Variants in CATSPERE observed in about 807,000 individuals in gnomAD.
CATSPERE encodes the protein cation channel sperm-associated auxiliary subunit epsilon.
A neutral mutation model predicts 114.1 loss-of-function variants in CATSPERE; 93 were observed. The observed-to-expected ratio is 0.81, with a 90% CI of 0.69 to 0.97. CATSPERE has a LOEUF of 0.97. Ranked by LOEUF, CATSPERE falls within the 50% of genes least tolerant of loss-of-function variation. The pLI, the probability that CATSPERE is intolerant of heterozygous loss-of-function variation, is 0.00. For missense variants in CATSPERE, 1,058 were observed against 1,131.6 expected, an observed-to-expected ratio of 0.93 and a Z score of 0.93; for synonymous variants, 341 against 384.1, an observed-to-expected ratio of 0.89 and a Z score of 1.31.
At chr1:244,584,839 G>C (rs780746330) in intron 13 of CATSPERE, among the ~76,000 whole-genome samples, 1 of 152,120 alleles carries the variant, frequency 6.6e-6, no homozygotes, top group African/African-American at 2.4e-5. Context: ...CTTGAGCACT[G>C]CAGACACACG....
In CATSPERE at chr1:244,597,613, C is replaced by T. The variant is rs182397709; in HGVS notation, c.2303+4035C>T. ...TACGATCACCTATAATTTATAATTT[C>T]GTATATAGCTCCTCTACTTTAATCC... is the stretch of plus-strand genomic sequence containing the variant. On this transcript the variant is annotated intron_variant, in intron 17 of 21. Coordinates refer to ENST00000366534, the MANE Select transcript of CATSPERE (RefSeq NM_001130957.2). Among the ~76,000 whole-genome samples, 10 of 132,398 alleles carry T rather than the reference C, an allele frequency of 7.6e-5. No homozygotes were observed. The East Asian group carries it at 2.2e-3, about 29-fold the overall frequency. The allele number at this position is 132,398 out of a possible 152,430, so 86.9% of individuals were successfully genotyped here.
chr1:244,554,005 G>A (rs1283228957), intron 9 of CATSPERE, among the ~76,000 whole-genome samples: 1 of 152,132 alleles, frequency 6.6e-6, no homozygotes, highest in African/African-American at 2.4e-5. Context: ...ACATGATTTT[G>A]TTATTTTTAT....
chr1:244,599,073 C>G (rs990489728), intron 17 of CATSPERE, among the ~76,000 whole-genome samples: 10 of 152,086 alleles, frequency 6.6e-5, no homozygotes, highest in African/African-American at 2.4e-4. Context: ...GGGAAAAAGA[C>G]TGGAGGATTG....
chr1:244,516,178 A>G (rs967853142), intron 7 of CATSPERE, among the ~76,000 whole-genome samples: 1 of 150,340 alleles, frequency 6.7e-6, no homozygotes, highest in African/African-American at 2.5e-5. Context: ...GTGACACAGT[A>G]AGACCTTGTC....
At chr1:244,523,465 T>TA (rs1207694216) in intron 8 of CATSPERE, among the ~76,000 whole-genome samples, 4 of 136,422 alleles carry the variant, frequency 2.9e-5, no homozygotes, top group Non-Finnish European at 4.6e-5. Context: ...CTATTCAACA[T>TA]AGTGTTGGAA....
In CATSPERE at chr1:244,632,060, C is replaced by T. The variant is rs958556780; in HGVS notation, c.2649-3429C>T. 4.6e-5 allele frequency among the ~76,000 whole-genome samples: 7 copies of T among 151,742 alleles called. No individual in the cohort carries two copies. The East Asian group carries it at 1.4e-3, about 29-fold the overall frequency. On this transcript the variant is annotated intron_variant, in intron 20 of 21. Transcript: ENST00000366534. ...TCTAGCCTGGGTGATAGAGTGAGAA[C>T]CTGTCTCAAAAGATTAAAAAACAAA...
upstream of CATSPERE, among the ~76,000 whole-genome samples, chr1:244,456,771 G>A (rs1666198849): frequency 6.6e-6 from 1 of 152,272 alleles, no homozygotes; most frequent in African/African-American, 2.4e-5. Flanking sequence ...AAACAGTCAG[G>A]CCTTATCTTC....
Position 244,553,908 on chromosome 1 carries a change from G to A in CATSPERE, c.1029+1094G>A, listed in dbSNP as rs545918464. Among the ~76,000 whole-genome samples, 15 of 152,116 alleles carry A rather than the reference G, an allele frequency of 9.9e-5. No homozygotes were observed. In the South Asian group the frequency reaches 3.1e-3, roughly 32 times the overall value. On this transcript the variant is annotated intron_variant, in intron 9 of 21. Transcript: ENST00000366534. Reference sequence around the variant, plus strand: ...ATCATGGTTTTTACCTTCCACATATGAGTGAGAACATGTAGTATTTGTCTT... The same window carrying A: ...ATCATGGTTTTTACCTTCCACATATAAGTGAGAACATGTAGTATTTGTCTT...
At position 244,479,776 on chromosome 1, in the gene CATSPERE, T is replaced by C. The variant is rs1669968075; in HGVS notation, c.318T>C (p.Tyr106=). 3.8e-6 allele frequency: 6 copies of C among 1,576,736 alleles called. No homozygotes were observed. The highest frequency in any genetic ancestry group is 5.2e-6 in the Non-Finnish European group (6 of 1,151,894). ...CTCATACTTGCTTTCTGTGGTACTA[T>C]AGAGTTAGGTAAGTAATGCAGTACT... is the stretch of plus-strand genomic sequence containing the variant. ...ESSHTCFLWY[Y]RVRHFFNNFT... is the part of the protein sequence containing the mutation. The change falls in exon 5 of 22, where the codon TAT becomes TAC. Residue 106 remains tyrosine (Y), a synonymous_variant. Coordinates refer to ENST00000366534, the MANE Select transcript of CATSPERE (RefSeq NM_001130957.2).
In CATSPERE at chr1:244,593,530, G is replaced by A; in HGVS notation, c.2255G>A (p.Cys752Tyr). The A allele has an allele frequency of 6.2e-7, 1 of 1,614,000 alleles. No individual in the cohort carries two copies. Among genetic ancestry groups the A allele is most frequent in the Non-Finnish European group, 8.5e-7 (1 of 1,179,894 alleles). The change falls in exon 17 of 22, where the codon TGC becomes TAC. Residue 752 changes from cysteine to tyrosine, a missense_variant. Cys to Tyr is a radical substitution (Grantham distance 194). Transcript: ENST00000366534. ...AGGTATATTTGGGGAGAATATGGCT[G>A]CCCTCTGAGGCTTGACTTCACAGAA... ...RVRYIWGEYGCPLRLDFTEKF... is the reference protein window; with the variant it reads ...RVRYIWGEYGYPLRLDFTEKF...
chr1:244,596,197 T>G (rs557867498), intron 17 of CATSPERE, among the ~76,000 whole-genome samples: 3 of 152,300 alleles, frequency 2.0e-5, no homozygotes, highest in African/African-American at 7.2e-5. Context: ...ACAGTACAAA[T>G]GCCATGGCAA....
At chr1:244,617,478 T>G in intron 19 of CATSPERE, 51 bp from the exon 20 acceptor site, 1 of 1,364,118 alleles carries the variant, frequency 7.3e-7, no homozygotes, top group Non-Finnish European at 9.7e-7. Context: ...TAATTTTGCG[T>G]ATCAAAGTCA....
intron 5 of CATSPERE, among the ~76,000 whole-genome samples, chr1:244,485,577 C>G (rs1670862259): frequency 6.6e-6 from 1 of 151,956 alleles, no homozygotes; most frequent in Non-Finnish European, 1.5e-5. Flanking sequence ...TCCTTCCTGA[C>G]TCTTAAAATC....
At chr1:244,597,576 T>G (rs560063886) in intron 17 of CATSPERE, among the ~76,000 whole-genome samples, 12 of 148,178 alleles carry the variant, frequency 8.1e-5, no homozygotes, top group African/African-American at 3.0e-4. Flanking sequence ...TGTTTTTAAT[T>G]TTCTTAAGTC....
At chr1:244,635,163 A>G (rs1674473121) in intron 20 of CATSPERE, among the ~76,000 whole-genome samples, 1 of 152,184 alleles carries the variant, frequency 6.6e-6, no homozygotes, top group Non-Finnish European at 1.5e-5. Context: ...TTCAATAAGT[A>G]TTAATACTCA....
chr1:244,481,007 G>T (rs1038819408), intron 5 of CATSPERE, among the ~76,000 whole-genome samples: 3 of 152,192 alleles, frequency 2.0e-5, no homozygotes, highest in African/African-American at 7.2e-5. Flanking sequence ...TGGCGCAGTG[G>T]CTCATGCCTG....
upstream of CATSPERE, among the ~76,000 whole-genome samples, chr1:244,452,563 C>T (rs562063288): frequency 6.6e-6 from 1 of 152,302 alleles, no homozygotes; most frequent in Admixed American, 6.5e-5. Flanking sequence ...AAGTCCTAAT[C>T]CTCATTTTAC....
rs1378460193 is a variant in CATSPERE, at chr1:244,605,717, A to G, written c.2326A>G (p.Lys776Glu). 1 of 1,611,636 alleles carries G rather than the reference A, an allele frequency of 6.2e-7. No individual in the cohort carries two copies. The highest frequency in any genetic ancestry group is 8.5e-7 in the Non-Finnish European group (1 of 1,177,870). The stretch of plus-strand genomic sequence containing the variant: ...CAGATTTGATGATAATGGCTATGTT[A>G]AAGACGTTGAAGCAAATTTCATAGT... ...VQLFDDNGYV[K>E]DVEANFIVWE... The change falls in exon 18 of 22, where the codon AAA becomes GAA. Residue 776 changes from lysine to glutamate, a missense_variant. Physicochemically the swap from Lys to Glu is moderately conservative, Grantham distance 56 (BLOSUM62 1). Transcript: ENST00000366534.
intron 19 of CATSPERE, among the ~76,000 whole-genome samples, chr1:244,614,649 C>T (rs1229835739): frequency 1.3e-5 from 2 of 152,142 alleles, no homozygotes; most frequent in Non-Finnish European, 2.9e-5. Context: ...AGGGAACCCA[C>T]AGCCAAGGCA....
Sources: allele counts gnomAD v4.1 joint callset (sites outside exome capture counted in the v4.1 genomes callset), GRCh38; gene constraint gnomAD v4.1.1; transcripts MANE v1.5; gene names NCBI Gene and HGNC (gene_info 2026-07-23, HGNC 2026-07-21).